The following GPR137B variants were observed in gnomAD, a reference collection of about 807,000 sequenced individuals.
GPR137B encodes the protein integral membrane protein GPR137B.
A neutral mutation model predicts 42.5 loss-of-function variants in GPR137B; 42 were observed. That is an observed-to-expected ratio of 0.99 (90% CI 0.77 to 1.28). The LOEUF (loss-of-function observed/expected upper bound fraction) is 1.28. Among genes scored for constraint, GPR137B ranks in the 50% most tolerant of loss-of-function variants. The pLI is 0.00. For missense variants in GPR137B, 487 were observed against 493.9 expected (o/e 0.99, Z 0.13); for synonymous variants, 218 against 209.7 (o/e 1.04, Z -0.34).
intron 1 of GPR137B, among the ~76,000 whole-genome samples, chr1:236,159,624 AAAAG>A (rs1662130666): frequency 1.3e-5 from 2 of 152,166 alleles, no homozygotes; most frequent in South Asian, 2.1e-4. Context: ...AGGAAAAAAA[AAAAG>A]AAAAGAAAAA....
intron 1 of GPR137B, among the ~76,000 whole-genome samples, chr1:236,152,227 C>T (rs1269130932): frequency 2.0e-5 from 3 of 151,706 alleles, no homozygotes; most frequent in Admixed American, 6.6e-5. Flanking sequence ...TTTGGGAGGA[C>T]GAGGCAGGAG....
rs74541106 is a variant in GPR137B, at chr1:236,142,784, G to T, written c.162G>T (p.Ala54=). Reference sequence around the variant, plus strand: ...CCGTCGTCTACACCGTGTTCTACGCGCTGCTCTTCGTGTTCATCTACGTGC... The same window carrying T: ...CCGTCGTCTACACCGTGTTCTACGCTCTGCTCTTCGTGTTCATCTACGTGC... The part of the protein sequence containing the change: ...GLTVVYTVFY[A]LLFVFIYVQL... The change falls in exon 1 of 7, where the codon GCG becomes GCT. Residue 54 remains alanine, a synonymous_variant. Transcript: ENST00000366592. 248 of 1,613,852 alleles carry T rather than the reference G, an allele frequency of 1.5e-4. 3 individuals are homozygous for T. In the East Asian group the frequency reaches 5.3e-3, roughly 35 times the overall value.
chr1:236,167,268 G>T (rs1415319721), intron 1 of GPR137B, among the ~76,000 whole-genome samples: 3 of 152,166 alleles, frequency 2.0e-5, no homozygotes, highest in Non-Finnish European at 4.4e-5. Context: ...TTGTTTTGTG[G>T]TGAGAACACT....
At chr1:236,151,418 ATTTTTTT>A (rs60574023) in intron 1 of GPR137B, among the ~76,000 whole-genome samples, 6 of 72,370 alleles carry the variant, frequency 8.3e-5, no homozygotes, top group South Asian at 7.8e-4. Flanking sequence ...TTGCATATTC[ATTTTTTT>A]TTTTTTTTTT....
rs999135420 is a variant in GPR137B at position 236,202,546 on chromosome 1, T to TTG, written c.967-2579_967-2578insGT. Among the ~76,000 whole-genome samples the TTG allele has an allele frequency of 2.9e-4, 44 of 152,046 alleles. 1 individual carries two copies. Among genetic ancestry groups the TTG allele is most frequent in the African/African-American group, 1.0e-3 (42 of 41,298 alleles). On this transcript the variant is annotated intron_variant, in intron 5 of 6. Coordinates refer to ENST00000366592, the MANE Select transcript of GPR137B (RefSeq NM_003272.4). ...CCATGGTGTGACTCTCCACACACTG[T>TTG]TCTGTCTGTCCAAGTGGGAGCTGCA...
intron 5 of GPR137B, among the ~76,000 whole-genome samples, chr1:236,192,675 G>A (rs557622369): frequency 6.6e-5 from 10 of 152,100 alleles, no homozygotes; most frequent in Non-Finnish European, 1.2e-4. Flanking sequence ...TGCACCCACC[G>A]TCCAAGCAGT....
At position 236,156,958 on chromosome 1, in the gene GPR137B, C is replaced by T. The variant is rs1662050458; in HGVS notation, c.415-11748C>T. 6.6e-6 allele frequency among the ~76,000 whole-genome samples: 1 copy of T among 152,140 alleles called. No individual in the cohort carries two copies. The highest frequency in any genetic ancestry group is 2.4e-5 in the African/African-American group (1 of 41,436). On this transcript the variant is annotated intron_variant, in intron 1 of 6. Coordinates refer to ENST00000366592, the MANE Select transcript of GPR137B (RefSeq NM_003272.4). This position sits in a 1 kb window ranked among gnomAD's most constrained non-coding sequence, Gnocchi z 4.8. ...GCTGTGCGTTTAGAATCATGGTTTG[C>T]GAACATAGATGAGGACTAATAATAC... is the stretch of plus-strand genomic sequence containing the variant.
chr1:236,177,197 G>C (rs980049403), intron 2 of GPR137B, among the ~76,000 whole-genome samples: 1 of 152,102 alleles, frequency 6.6e-6, no homozygotes, highest in Non-Finnish European at 1.5e-5. Context: ...GTAAGTGGGG[G>C]GTTGTTATGT....
intron 1 of GPR137B, among the ~76,000 whole-genome samples, chr1:236,161,754 A>AT (rs1052103484): frequency 1.3e-5 from 2 of 150,878 alleles, no homozygotes; most frequent in African/African-American, 2.4e-5. Flanking sequence ...CTTCCTCCTC[A>AT]TTTTTTTTCT....
At chr1:236,164,656 G>A (rs932950737) in intron 1 of GPR137B, among the ~76,000 whole-genome samples, 2 of 152,106 alleles carry the variant, frequency 1.3e-5, no homozygotes, top group Non-Finnish European at 2.9e-5. Context: ...TGAAAACTTG[G>A]TTTATGCCCT....
intron 5 of GPR137B, among the ~76,000 whole-genome samples, chr1:236,197,069 G>A (rs1041818843): frequency 6.6e-5 from 10 of 152,086 alleles, no homozygotes; most frequent in Admixed American, 6.6e-4. Context: ...CTGAATTATG[G>A]TCATTCTTGC....
At chr1:236,192,819 A>G (rs1663232393) in intron 5 of GPR137B, among the ~76,000 whole-genome samples, 1 of 152,108 alleles carries the variant, frequency 6.6e-6, no homozygotes, top group Non-Finnish European at 1.5e-5. Flanking sequence ...TTATCGCTGT[A>G]TGACATCACT....
chr1:236,168,424 GAAAA>G, intron 1 of GPR137B, among the ~76,000 whole-genome samples: 1 of 85,580 alleles, frequency 1.2e-5, no homozygotes, highest in Admixed American at 1.3e-4. Context: ...ATTCTGTCTC[GAAAA>G]AAAAAAAAAA....
chr1:236,204,723 T>C (rs1431865694), intron 5 of GPR137B, among the ~76,000 whole-genome samples: 1 of 152,102 alleles, frequency 6.6e-6, no homozygotes, highest in East Asian at 1.9e-4. Context: ...GAAATTCTAG[T>C]TAGGTAGAAT....
At chr1:236,195,356 A>G (rs1298152518) in intron 5 of GPR137B, among the ~76,000 whole-genome samples, 1 of 152,284 alleles carries the variant, frequency 6.6e-6, no homozygotes, top group East Asian at 1.9e-4. Flanking sequence ...AAGTGAGAAC[A>G]TGCGATGTTT....
At position 236,205,229 on chromosome 1, in the gene GPR137B, C is replaced by T; in HGVS notation, c.1070C>T (p.Ala357Val). The change falls in exon 6 of 7, where the codon GCC becomes GTC. Residue 357 changes from alanine (A) to valine (V), a missense_variant. Ala to Val is a moderately conservative substitution (Grantham distance 64, BLOSUM62 0). Transcript: ENST00000366592. Reference protein sequence around the residue: ...DSDDDLAWNIAPQGLQGGFAP... With the variant: ...DSDDDLAWNIVPQGLQGGFAP... ...GATGATGACCTTGCCTGGAACATTGCCCCTCAGGGACTTCAGGGAGGGTAA... is the reference window on the plus strand; with the variant it reads ...GATGATGACCTTGCCTGGAACATTGTCCCTCAGGGACTTCAGGGAGGGTAA... 6.2e-7 allele frequency: 1 copy of T among 1,613,188 alleles called. No homozygotes were observed. Among genetic ancestry groups the T allele is most frequent in the Non-Finnish European group, 8.5e-7 (1 of 1,179,248 alleles).
At chr1:236,188,395 G>T (rs938218306) in intron 5 of GPR137B, among the ~76,000 whole-genome samples, 1 of 152,176 alleles carries the variant, frequency 6.6e-6, no homozygotes, top group Non-Finnish European at 1.5e-5. Context: ...TCCTTGCCTT[G>T]TGCGGGTTTT....
chr1:236,155,190 G>A lies in GPR137B; in HGVS notation c.414+12154G>A, dbSNP rs766122298. ...GTCCGTGCGCTTCTGTGGCTGAAGC[G>A]GCCGGGCCGCAGCTATTCCTGCGGG... On this transcript the variant is annotated intron_variant, in intron 1 of 6. Coordinates refer to ENST00000366592, the MANE Select transcript of GPR137B (RefSeq NM_003272.4). This position sits in a 1 kb window ranked among gnomAD's most constrained non-coding sequence, Gnocchi z 4.6. 3.3e-5 allele frequency among the ~76,000 whole-genome samples: 5 copies of A among 152,346 alleles called. No homozygotes were observed. Among genetic ancestry groups the A allele is most frequent in the East Asian group, 1.9e-4 (1 of 5,190 alleles).
intron 2 of GPR137B, among the ~76,000 whole-genome samples, chr1:236,173,925 A>G (rs529160050): frequency 1.1e-4 from 15 of 139,902 alleles, no homozygotes; most frequent in African/African-American, 4.2e-4. Flanking sequence ...TAACAAGGAT[A>G]TTAGGAAAAA....
Sources: gnomAD v4.1 joint callset for allele counts (sites outside exome capture counted in the v4.1 genomes callset) on GRCh38, gnomAD v4.1.1 for gene constraint, Gnocchi (gnomAD v3.1) non-coding constraint, MANE v1.5 for transcripts, NCBI Gene and HGNC (gene_info 2026-07-23, HGNC 2026-07-21) for gene names.